The following ZNRF1 variants were observed in gnomAD, a reference collection of about 807,000 sequenced individuals.
The protein encoded by ZNRF1 is E3 ubiquitin-protein ligase ZNRF1.
Under a neutral mutation model 18.4 loss-of-function variants are expected in ZNRF1, and 3 were observed. That is an observed-to-expected ratio of 0.16 (90% CI 0.07 to 0.42). The LOEUF (loss-of-function observed/expected upper bound fraction) is 0.42. Among genes scored for constraint, ZNRF1 ranks in the 10% least tolerant of loss-of-function variants. The pLI is 0.99. For missense variants in ZNRF1, 310 were observed against 329.8 expected (o/e 0.94, Z 0.47); for synonymous variants, 157 against 144.2 (o/e 1.09, Z -0.64).
In ZNRF1 at chr16:75,030,508, A is replaced by G. The variant is rs558173390; in HGVS notation, c.424+30413A>G. 3.3e-5 allele frequency among the ~76,000 whole-genome samples: 5 copies of G among 152,218 alleles called. No homozygotes were observed. The South Asian group carries it at 1.0e-3, about 31-fold the overall frequency. The stretch of plus-strand genomic sequence containing the variant: ...CTCTTAGAAGGAAATGTAGTTGGAA[A>G]TCTTACTGACCTTGCATTGGGCAGT... On this transcript the variant is annotated intron_variant, in intron 1 of 4. Coordinates refer to ENST00000335325, the MANE Select transcript of ZNRF1 (RefSeq NM_032268.5).
intron 1 of ZNRF1, among the ~76,000 whole-genome samples, chr16:75,037,599 A>G (rs764801060): frequency 2.0e-4 from 31 of 152,154 alleles, no homozygotes; most frequent in South Asian, 6.3e-4. Context: ...AGGCCTCCCA[A>G]AGTGCTGCGA....
chr16:75,068,000 C>T (rs914783410), intron 1 of ZNRF1, among the ~76,000 whole-genome samples: 5 of 151,890 alleles, frequency 3.3e-5, no homozygotes, highest in Non-Finnish European at 7.4e-5. Context: ...TCCTATAATT[C>T]ACTGCAGTTT....
chr16:75,056,463 G>A (rs2035669367), intron 1 of ZNRF1, among the ~76,000 whole-genome samples: 2 of 152,170 alleles, frequency 1.3e-5, no homozygotes, highest in African/African-American at 4.8e-5. Context: ...TGAGGTTGAT[G>A]TTTACCTTTC....
rs2035657810 is a variant in ZNRF1, at chr16:75,055,602, G to A, written c.425-37970G>A. On this transcript the variant is annotated intron_variant, in intron 1 of 4. Coordinates refer to ENST00000335325, the MANE Select transcript of ZNRF1 (RefSeq NM_032268.5). ...GCCTTTTCCTTCCTTTGCCCACAGA[G>A]CATTGTGGACACACCAGCTGCCTGC... Among the ~76,000 whole-genome samples, 3 of 152,118 alleles carry A rather than the reference G, an allele frequency of 2.0e-5. No homozygotes were observed. In the South Asian group the frequency reaches 6.2e-4, roughly 32 times the overall value.
chr16:75,103,907 C>T, intron 2 of ZNRF1, among the ~76,000 whole-genome samples: 1 of 152,098 alleles, frequency 6.6e-6, no homozygotes. Context: ...ATCACTTGAA[C>T]CCAGGAGGCG....
rs1327540890 is a variant in ZNRF1 at position 75,108,501 on chromosome 16, C to G, written c.*801C>G. 2.5e-6 allele frequency: 1 copy of G among 398,528 alleles called. No homozygotes were observed. 24.7% of individuals were successfully genotyped at this position (398,528 alleles called of 1,614,324 possible). ...ACTTACTAAGAAATATGTACAGCTA[C>G]CCCTGTTTTCAGGCACTATGTTTGA... On this transcript the variant is annotated 3_prime_UTR_variant, in exon 5 of 5. Transcript: ENST00000335325.
chr16:75,000,507 C>CA, intron 1 of ZNRF1: 1 of 352,918 alleles, frequency 2.8e-6, no homozygotes, highest in Non-Finnish European at 5.6e-6. Context: ...GTCTCCTAAA[C>CA]AGAGTGTGTG....
intron 1 of ZNRF1, among the ~76,000 whole-genome samples, chr16:75,047,636 A>G (rs2035533192): frequency 1.4e-5 from 2 of 147,652 alleles, no homozygotes; most frequent in Admixed American, 1.4e-4. Flanking sequence ...ACTTTGCTGA[A>G]CTTGTGTTAG....
chr16:75,082,765 G>C (rs2036028454), intron 1 of ZNRF1, among the ~76,000 whole-genome samples: 1 of 152,132 alleles, frequency 6.6e-6, no homozygotes, highest in Non-Finnish European at 1.5e-5. Flanking sequence ...TGTTGCCCAC[G>C]CTGGTCTTGA....
chr16:75,034,782 A>G (rs934707649), intron 1 of ZNRF1, among the ~76,000 whole-genome samples: 1 of 150,634 alleles, frequency 6.6e-6, no homozygotes, highest in African/African-American at 2.4e-5. Flanking sequence ...GTGCACCACT[A>G]TACCTGGCTA....
In ZNRF1 at chr16:75,104,375, C is replaced by A. The variant is rs79946007; in HGVS notation, c.521-409C>A. The A allele has an allele frequency of 7.6e-4, 121 of 159,214 alleles. No individual in the cohort carries two copies. In the East Asian group the frequency reaches 0.02, roughly 27 times the overall value. 9.9% of individuals were successfully genotyped at this position (159,214 alleles called of 1,614,324 possible). A position where few individuals can be genotyped will look rare whatever the true frequency, so the allele number is the denominator to read the frequency against. ...CTGTTTCTTCCTCTCATTCTTGCCTCCTACCACTCTACCCATTACCATATT... is the reference window on the plus strand; with the variant it reads ...CTGTTTCTTCCTCTCATTCTTGCCTACTACCACTCTACCCATTACCATATT... On this transcript the variant is annotated intron_variant, in intron 2 of 4. Coordinates refer to ENST00000335325, the MANE Select transcript of ZNRF1 (RefSeq NM_032268.5).
intron 1 of ZNRF1, among the ~76,000 whole-genome samples, chr16:75,045,021 C>CT (rs2035497456): frequency 6.6e-6 from 1 of 152,148 alleles, no homozygotes; most frequent in African/African-American, 2.4e-5. Context: ...TGCCCCTGTC[C>CT]TTTTTCTGTA....
chr16:75,049,607 G>A (rs2035563877), intron 1 of ZNRF1, among the ~76,000 whole-genome samples: 1 of 152,104 alleles, frequency 6.6e-6, no homozygotes, highest in Non-Finnish European at 1.5e-5. Context: ...GACCAACCTG[G>A]GCAATATGGC....
intron 1 of ZNRF1, among the ~76,000 whole-genome samples, chr16:75,033,309 T>G (rs1041842379): frequency 3.3e-5 from 5 of 151,946 alleles, no homozygotes; most frequent in Non-Finnish European, 7.4e-5. Flanking sequence ...GATTGGGATT[T>G]TATTGAATTT....
chr16:75,080,065 G>A (rs1169876189), intron 1 of ZNRF1, among the ~76,000 whole-genome samples: 1 of 152,170 alleles, frequency 6.6e-6, no homozygotes, highest in Non-Finnish European at 1.5e-5. Flanking sequence ...ATAGGCACCC[G>A]CCACCATGCC....
chr16:75,030,512 TACTG>T (rs2035288167), intron 1 of ZNRF1, among the ~76,000 whole-genome samples: 2 of 152,150 alleles, frequency 1.3e-5, no homozygotes, highest in South Asian at 4.1e-4. Flanking sequence ...TTGGAAATCT[TACTG>T]ACCTTGCATT....
intron 1 of ZNRF1, among the ~76,000 whole-genome samples, chr16:75,029,661 G>A (rs1279011484): frequency 6.6e-6 from 1 of 151,464 alleles, no homozygotes; most frequent in Non-Finnish European, 1.5e-5. Flanking sequence ...CCCAGCTGAG[G>A]CTGAGGCTGA....
intron 1 of ZNRF1, among the ~76,000 whole-genome samples, chr16:75,060,638 T>C (rs7198472): frequency 0.87 from 131,842 of 151,846 alleles, 57,805 homozygotes; most frequent in Non-Finnish European, 0.93. Context: ...CACCCTGCCT[T>C]GCTAATTTTT....
Position 74,999,931 on chromosome 16 carries a change from G to T in ZNRF1, c.260G>T (p.Gly87Val). ...ACCGGCGACTCCGAGAGGGCGCCCGGCGGCGGAGGGTCTGCGTCCGACTCC... is the reference window on the plus strand; with the variant it reads ...ACCGGCGACTCCGAGAGGGCGCCCGTCGGCGGAGGGTCTGCGTCCGACTCC... ...RGTGDSERAP[G>V]GGGSASDSTY... The change falls in exon 1 of 5, where the codon GGC becomes GTC. Residue 87 changes from glycine (G) to valine (V), a missense_variant. Physicochemically the swap from Gly to Val is moderately radical, Grantham distance 109 (BLOSUM62 -3). Transcript: ENST00000335325. 9.0e-6 allele frequency: 14 copies of T among 1,562,772 alleles called. No individual in the cohort carries two copies. The highest frequency in any genetic ancestry group is 1.2e-5 in the Non-Finnish European group (14 of 1,155,372).
Sources: gnomAD v4.1 joint callset for allele counts (sites outside exome capture counted in the v4.1 genomes callset) on GRCh38, gnomAD v4.1.1 for gene constraint, MANE v1.5 for transcripts, NCBI Gene and HGNC (gene_info 2026-07-23, HGNC 2026-07-21) for gene names.